The following PRR16 variants were observed in gnomAD, a reference collection of about 807,000 sequenced individuals.
PRR16 encodes proline rich 16.
A neutral mutation model predicts 18.2 loss-of-function variants in PRR16; 6 were observed. The ratio of observed to expected loss-of-function variants is 0.33; its 90% confidence interval spans 0.18 to 0.65. The LOEUF (loss-of-function observed/expected upper bound fraction) is 0.65. Ranked by LOEUF, PRR16 falls within the 30% of genes least tolerant of loss-of-function variation. PRR16 has a pLI of 0.74. For synonymous variants in PRR16, 151 were observed against 147.8 expected, an observed-to-expected ratio of 1.02 and a Z score of -0.16; for missense variants, 412 against 376.6, an observed-to-expected ratio of 1.09 and a Z score of -0.78.
Position 120,552,928 on chromosome 5 carries a change from C to T in PRR16, c.159+88283C>T, listed in dbSNP as rs115206745. Among the ~76,000 whole-genome samples, 1,273 of 151,848 alleles carry T rather than the reference C, an allele frequency of 8.4e-3. 9 individuals are homozygous for T. The highest frequency in any genetic ancestry group is 0.017 in the Middle Eastern group (5 of 294). ...GGGGAGACCTGAGGTCTGAGCTTAC[C>T]TCTGCAACTAACCAGTTATATGATC... On this transcript the variant is annotated intron_variant, in intron 1 of 1. Transcript: ENST00000407149.
intron 1 of PRR16, among the ~76,000 whole-genome samples, chr5:120,577,342 G>A (rs1034790490): frequency 6.6e-6 from 1 of 151,858 alleles, no homozygotes; most frequent in Non-Finnish European, 1.5e-5. Context: ...GAAAAATGTA[G>A]AAAGTAGAGA....
At chr5:120,624,238 A>G (rs1188901222) in intron 1 of PRR16, among the ~76,000 whole-genome samples, 1 of 152,258 alleles carries the variant, frequency 6.6e-6, no homozygotes, top group African/African-American at 2.4e-5. Context: ...GTTTTTCATC[A>G]TTACACTCAT....
chr5:120,776,595 CAT>C, the PRR16 span, among the ~76,000 whole-genome samples: 4 of 152,100 alleles, frequency 2.6e-5, no homozygotes, highest in African/African-American at 9.7e-5. Context: ...GAGCAATTCA[CAT>C]GATTTCCTGT....
intron 1 of PRR16, among the ~76,000 whole-genome samples, chr5:120,468,516 T>TA (rs1228132998): frequency 6.6e-6 from 1 of 152,178 alleles, no homozygotes; most frequent in Non-Finnish European, 1.5e-5. Context: ...GTTTTAGTGA[T>TA]AAAATTAACC....
intron 1 of PRR16, among the ~76,000 whole-genome samples, chr5:120,489,748 C>T (rs868261327): frequency 6.6e-6 from 1 of 152,072 alleles, no homozygotes; most frequent in Non-Finnish European, 1.5e-5. Flanking sequence ...TTCCTAGCCT[C>T]GATGGTCTTT....
chr5:120,757,541 C>T, the PRR16 span, among the ~76,000 whole-genome samples: 979 of 151,338 alleles, frequency 6.5e-3, 12 homozygotes, highest in African/African-American at 0.023. Context: ...TTTTCTTTTG[C>T]TATATAGTAA....
At chr5:120,642,596 A>G (rs1755459907) in intron 1 of PRR16, among the ~76,000 whole-genome samples, 1 of 152,230 alleles carries the variant, frequency 6.6e-6, no homozygotes, top group South Asian at 2.1e-4. Flanking sequence ...TACACTCTGC[A>G]TGTTTACAAT....
At chr5:120,649,451 A>AT (rs1285016299) in intron 1 of PRR16, among the ~76,000 whole-genome samples, 3 of 152,218 alleles carry the variant, frequency 2.0e-5, no homozygotes, top group African/African-American at 7.2e-5. Flanking sequence ...GATCATTGTG[A>AT]TTTTTTACTA....
At chr5:120,664,333 A>G (rs896712803) in intron 1 of PRR16, among the ~76,000 whole-genome samples, 2 of 141,076 alleles carry the variant, frequency 1.4e-5, no homozygotes, top group African/African-American at 2.6e-5. Context: ...CAAAATGTAC[A>G]AATCCTTATC....
At chr5:120,570,982 T>C (rs1352341658) in intron 1 of PRR16, among the ~76,000 whole-genome samples, 1 of 152,086 alleles carries the variant, frequency 6.6e-6, no homozygotes, top group Non-Finnish European at 1.5e-5. Context: ...AAATGAATAA[T>C]GTAGGATGTT....
At chr5:120,625,130 T>TG (rs1754822347) in intron 1 of PRR16, among the ~76,000 whole-genome samples, 1 of 152,192 alleles carries the variant, frequency 6.6e-6, no homozygotes, top group Non-Finnish European at 1.5e-5. Context: ...TACATTTTTT[T>TG]GCCTTTCTTT....
the PRR16 span, among the ~76,000 whole-genome samples, chr5:120,759,192 G>GAA: frequency 3.3e-5 from 5 of 151,950 alleles, no homozygotes. Flanking sequence ...TAGCCAGGAT[G>GAA]GTATTGATCT....
At chr5:120,568,009 T>A (rs1483714180) in intron 1 of PRR16, among the ~76,000 whole-genome samples, 1 of 152,192 alleles carries the variant, frequency 6.6e-6, no homozygotes, top group Non-Finnish European at 1.5e-5. Flanking sequence ...AAGATTCATT[T>A]CTATATGATA....
rs189664724 is a variant in PRR16, at chr5:120,500,059, A to C, written c.159+35414A>C. Among the ~76,000 whole-genome samples, 466 of 151,682 alleles carry C rather than the reference A, an allele frequency of 3.1e-3. 8 individuals are homozygous for C. Among genetic ancestry groups the C allele is most frequent in the African/African-American group, 0.011 (442 of 41,114 alleles). On this transcript the variant is annotated intron_variant, in intron 1 of 1. Coordinates refer to ENST00000407149, the MANE Select transcript of PRR16 (RefSeq NM_001300783.2). ...CTGATACCATGCCAATGTGGAGTGG[A>C]GGTGCTTCTTTACAGTTTCTTGAGG...
intron 1 of PRR16, among the ~76,000 whole-genome samples, chr5:120,475,976 T>A (rs572968929): frequency 9.2e-5 from 14 of 152,144 alleles, no homozygotes; most frequent in African/African-American, 3.1e-4. Flanking sequence ...CATTGATAAG[T>A]CTTGTTGATT....
At chr5:120,711,074 C>T in the PRR16 span, among the ~76,000 whole-genome samples, 2 of 152,156 alleles carry the variant, frequency 1.3e-5, no homozygotes, top group Admixed American at 6.5e-5. Context: ...TCTGGGTCTT[C>T]TGCCTTCCTC....
chr5:120,544,158 C>CAG (rs1752001903), intron 1 of PRR16, among the ~76,000 whole-genome samples: 1 of 152,130 alleles, frequency 6.6e-6, no homozygotes, highest in Non-Finnish European at 1.5e-5. Context: ...AAGGAAAACA[C>CAG]AGGGCCCTGA....
chr5:120,727,809 G>GA, the PRR16 span, among the ~76,000 whole-genome samples: 1 of 151,878 alleles, frequency 6.6e-6, no homozygotes, highest in Admixed American at 6.6e-5. Context: ...TGAAAATATA[G>GA]AAAATAAGAA....
intron 1 of PRR16, among the ~76,000 whole-genome samples, chr5:120,683,552 A>G (rs1468081360): frequency 6.6e-6 from 1 of 152,124 alleles, no homozygotes; most frequent in Non-Finnish European, 1.5e-5. Context: ...TACATTAAAA[A>G]CAAAGGTTTT....
Sources: allele counts gnomAD v4.1 joint callset (sites outside exome capture counted in the v4.1 genomes callset), GRCh38; gene constraint gnomAD v4.1.1; transcripts MANE v1.5; gene names NCBI Gene and HGNC (gene_info 2026-07-23, HGNC 2026-07-21).